MMP26: variants seen among roughly 807,000 people sequenced by gnomAD.
The protein encoded by MMP26 is matrix metalloproteinase-26.
In MMP26, 33 loss-of-function variants were observed where a neutral mutation model predicts 31.0. That is an observed-to-expected ratio of 1.06 (90% CI 0.81 to 1.42). The LOEUF (loss-of-function observed/expected upper bound fraction) is 1.42. Among genes scored for constraint, MMP26 ranks in the 40% most tolerant of loss-of-function variants. MMP26 has a pLI of 0.00. For synonymous variants in MMP26, 122 were observed against 114.9 expected (o/e 1.06, Z -0.40); for missense variants, 347 against 316.1 (o/e 1.10, Z -0.74).
At chr11:4,779,293 C>G (rs1439788800) in intron 2 of MMP26, among the ~76,000 whole-genome samples, 1 of 151,524 alleles carries the variant, frequency 6.6e-6, no homozygotes, top group African/African-American at 2.4e-5. Flanking sequence ...AGATTCATCA[C>G]TTTTTTCATA....
At chr11:4,823,294 C>G (rs954568421) in intron 2 of MMP26, among the ~76,000 whole-genome samples, 1 of 152,168 alleles carries the variant, frequency 6.6e-6, no homozygotes, top group African/African-American at 2.4e-5. Flanking sequence ...TCTTACATCT[C>G]TTCTAACAAA....
At chr11:4,778,289 C>G (rs1848814627) in intron 2 of MMP26, among the ~76,000 whole-genome samples, 2 of 152,148 alleles carry the variant, frequency 1.3e-5, no homozygotes, top group South Asian at 4.1e-4. Flanking sequence ...AGCCTTTTGC[C>G]TATTTTCCAT....
At chr11:4,711,538 CA>C (rs1312607653) in intron 1 of MMP26, 1 of 152,162 alleles carries the variant, frequency 6.6e-6, no homozygotes, top group Non-Finnish European at 1.5e-5. Flanking sequence ...TTTAGTTCTT[CA>C]TCTTACATAA....
At chr11:4,844,632 C>T (rs1375034461) in intron 2 of MMP26, among the ~76,000 whole-genome samples, 1 of 152,132 alleles carries the variant, frequency 6.6e-6, no homozygotes, top group Non-Finnish European at 1.5e-5. Context: ...CAATGGGATA[C>T]ATTCTATCAA....
chr11:4,822,554 A>G, intron 2 of MMP26: 1 of 501,054 alleles, frequency 2.0e-6, no homozygotes, highest in Non-Finnish European at 3.2e-6. Context: ...CAACTAAATT[A>G]TGATTTTGTT....
intron 2 of MMP26, among the ~76,000 whole-genome samples, chr11:4,957,332 A>C (rs1846457814): frequency 6.6e-6 from 1 of 152,252 alleles, no homozygotes; most frequent in African/African-American, 2.4e-5. Context: ...TGCAAATAAA[A>C]GTAAAGTTAA....
chr11:4,764,728 C>G (rs574245462), intron 1 of MMP26, among the ~76,000 whole-genome samples: 38 of 152,228 alleles, frequency 2.5e-4, no homozygotes, highest in African/African-American at 9.1e-4. Context: ...AAAAAATTAG[C>G]TGGGCGCGGT....
At chr11:4,778,336 A>G (rs975857897) in intron 2 of MMP26, among the ~76,000 whole-genome samples, 2 of 151,994 alleles carry the variant, frequency 1.3e-5, no homozygotes, top group Non-Finnish European at 2.9e-5. Context: ...TGACTTCATC[A>G]TGTCGTTGAT....
chr11:4,848,955 A>C, intron 2 of MMP26: 1 of 1,614,118 alleles, frequency 6.2e-7, no homozygotes, highest in Non-Finnish European at 8.5e-7. Flanking sequence ...TGTGGGCATC[A>C]GGGCAGTGAC....
intron 2 of MMP26, among the ~76,000 whole-genome samples, chr11:4,828,584 A>G (rs543964534): frequency 1.3e-5 from 2 of 152,298 alleles, no homozygotes; most frequent in Non-Finnish European, 2.9e-5. Context: ...ATTTTTTATT[A>G]TCAGAAAAGG....
At chr11:4,776,654 C>T (rs376356647) in intron 2 of MMP26, among the ~76,000 whole-genome samples, 58 of 152,152 alleles carry the variant, frequency 3.8e-4, no homozygotes, top group African/African-American at 1.4e-3. Flanking sequence ...GGCAGATTTC[C>T]TGTTGTGTTC....
At chr11:4,932,833 A>G (rs1851370112) in intron 2 of MMP26, among the ~76,000 whole-genome samples, 1 of 151,860 alleles carries the variant, frequency 6.6e-6, no homozygotes, top group Non-Finnish European at 1.5e-5. Flanking sequence ...ATTACTTACT[A>G]CTCTTCTCTG....
chr11:4,731,426 GT>G (rs973225868), intron 1 of MMP26, among the ~76,000 whole-genome samples: 2 of 152,150 alleles, frequency 1.3e-5, no homozygotes, highest in Non-Finnish European at 2.9e-5. Flanking sequence ...ATTTGTGTAA[GT>G]TTTTTCAGTA....
intron 2 of MMP26, chr11:4,913,214 C>G (rs533854685): frequency 1.2e-4 from 18 of 152,262 alleles, no homozygotes; most frequent in African/African-American, 4.3e-4. Flanking sequence ...ATTGCAGAAA[C>G]AGTGTTCTCA....
intron 2 of MMP26, among the ~76,000 whole-genome samples, chr11:4,857,747 C>T (rs1850076586): frequency 6.6e-6 from 1 of 152,138 alleles, no homozygotes; most frequent in African/African-American, 2.4e-5. Flanking sequence ...CATCCTGATA[C>T]CAAGGCCAGG....
At chr11:4,880,853 A>T (rs1850451241) in intron 2 of MMP26, among the ~76,000 whole-genome samples, 1 of 152,192 alleles carries the variant, frequency 6.6e-6, no homozygotes, top group African/African-American at 2.4e-5. Flanking sequence ...TTCAGTGTTA[A>T]CAAATTAACA....
At chr11:4,782,794 C>G (rs918271413) in intron 2 of MMP26, among the ~76,000 whole-genome samples, 1 of 152,146 alleles carries the variant, frequency 6.6e-6, no homozygotes, top group Non-Finnish European at 1.5e-5. Flanking sequence ...CCCAGCTGCT[C>G]CAGACATGGC....
chr11:4,812,042 G>A (rs1244319763), intron 2 of MMP26, among the ~76,000 whole-genome samples: 1 of 152,110 alleles, frequency 6.6e-6, no homozygotes, highest in African/African-American at 2.4e-5. Context: ...GCAGTTTTGA[G>A]AGCCCAATAA....
At chr11:4,739,097 G>A (rs1848279755) in intron 1 of MMP26, among the ~76,000 whole-genome samples, 1 of 152,062 alleles carries the variant, frequency 6.6e-6, no homozygotes, top group Non-Finnish European at 1.5e-5. Flanking sequence ...TCTTTTAAAA[G>A]CCAACTGTAT....
Sources: allele counts gnomAD v4.1 joint callset (sites outside exome capture counted in the v4.1 genomes callset), GRCh38; gene constraint gnomAD v4.1.1; transcripts MANE v1.5; gene names NCBI Gene and HGNC (gene_info 2026-07-23, HGNC 2026-07-21).